The following ATG7 variants were observed in gnomAD, a reference collection of about 807,000 sequenced individuals.
ATG7 encodes autophagy related 7.
In ATG7, 70 loss-of-function variants were observed where a neutral mutation model predicts 82.4. The ratio of observed to expected loss-of-function variants is 0.85; its 90% CI spans 0.70 to 1.04. The LOEUF (loss-of-function observed/expected upper bound fraction) is 1.04. Ranked by LOEUF, ATG7 falls within the 50% of genes least tolerant of loss-of-function variation. The pLI, the probability that ATG7 is intolerant of heterozygous loss-of-function variation, is 0.00. For synonymous variants in ATG7, 287 were observed against 313.0 expected (o/e 0.92, Z 0.88); for missense variants, 792 against 864.3 (o/e 0.92, Z 1.05).
intron 20 of ATG7, among the ~76,000 whole-genome samples, chr3:11,511,545 C>G (rs1321122053): frequency 6.6e-6 from 1 of 152,196 alleles, no homozygotes; most frequent in Non-Finnish European, 1.5e-5. Flanking sequence ...CTAGTGGATC[C>G]TGCACTGGGG....
intron 18 of ATG7, among the ~76,000 whole-genome samples, chr3:11,372,815 TGCGCGCGTGTGCGTGTGTGTGC>T (rs1286965295): frequency 3.8e-5 from 3 of 79,870 alleles, no homozygotes; most frequent in African/African-American, 1.2e-4. Flanking sequence ...TGTGTGTGTG[TGCGCGCGTGTGCGTGTGTGTGC>T]GTGCGTGCGT....
chr3:11,418,036 C>T (rs1362825635), intron 19 of ATG7, among the ~76,000 whole-genome samples: 1 of 151,304 alleles, frequency 6.6e-6, no homozygotes, highest in Non-Finnish European at 1.5e-5. Context: ...TGGTCTCGAT[C>T]TCCTAACCTC....
the ATG7 span, among the ~76,000 whole-genome samples, chr3:11,565,932 C>T: frequency 1.3e-5 from 2 of 152,190 alleles, no homozygotes; most frequent in Non-Finnish European, 2.9e-5. The surrounding 1 kb of genome is among the most constrained non-coding windows in gnomAD (Gnocchi z 4.1). Context: ...CTTCAATCCA[C>T]CATATTATCC....
At chr3:11,522,704 A>G (rs2092472895) in intron 20 of ATG7, among the ~76,000 whole-genome samples, 2 of 152,210 alleles carry the variant, frequency 1.3e-5, no homozygotes, top group Non-Finnish European at 1.5e-5. Context: ...TCAGTGGGTA[A>G]TTTCATATGA....
chr3:11,530,254 C>T (rs144156305), intron 20 of ATG7, among the ~76,000 whole-genome samples: 13 of 152,260 alleles, frequency 8.5e-5, no homozygotes, highest in Non-Finnish European at 1.9e-4. Context: ...AGAGCGAGGC[C>T]CTGCAAGCAG....
At chr3:11,326,187 A>G (rs1290112375) in intron 9 of ATG7, among the ~76,000 whole-genome samples, 1 of 152,170 alleles carries the variant, frequency 6.6e-6, no homozygotes, top group Non-Finnish European at 1.5e-5. Context: ...TCACTACATC[A>G]GGCCATTTTC....
chr3:11,471,487 T>C (rs1057337647), intron 20 of ATG7, among the ~76,000 whole-genome samples: 10 of 151,872 alleles, frequency 6.6e-5, no homozygotes, highest in Non-Finnish European at 1.3e-4. Flanking sequence ...GTAAAAACAT[T>C]TAAAAAATTT....
chr3:11,299,217 A>ATAT (rs1483078696), intron 4 of ATG7, 145 bp from the exon 5 acceptor site: 2 of 716,544 alleles, frequency 2.8e-6, no homozygotes, highest in Non-Finnish European at 2.4e-6. Flanking sequence ...ATCCATACAT[A>ATAT]TATTATCTAT....
In ATG7 at chr3:11,317,584, C is replaced by CTTTTTTTTTTT. The variant is rs370026914; in HGVS notation, c.678+2101_678+2111dup. ...CGAAGCCTATGCCCTTTCTTTCTTT[C>CTTTTTTTTTTT]TTTTTTTTTTTTTTTTTTTTGTTTT... On this transcript the variant is annotated intron_variant, in intron 9 of 20. Transcript: ENST00000693202. Among the ~76,000 whole-genome samples, 229 of 114,442 alleles carry CTTTTTTTTTTT rather than the reference C, an allele frequency of 2.0e-3. 5 individuals are homozygous for CTTTTTTTTTTT. Among genetic ancestry groups the CTTTTTTTTTTT allele is most frequent in the South Asian group, 2.7e-3 (10 of 3,646 alleles). The allele number at this position is 114,442 out of a possible 152,430, so 75.1% of individuals were successfully genotyped here.
chr3:11,348,220 C>A, intron 14 of ATG7, 185 bp downstream of exon 14: 3 of 735,786 alleles, frequency 4.1e-6, no homozygotes, highest in Non-Finnish European at 4.2e-6. Context: ...CCAGGTCAGG[C>A]ATGGTGGCTC....
chr3:11,316,224 A>G (rs1012530836), intron 9 of ATG7, among the ~76,000 whole-genome samples: 2 of 152,100 alleles, frequency 1.3e-5, no homozygotes, highest in Non-Finnish European at 2.9e-5. Flanking sequence ...TTAGTGTATC[A>G]TTCATTGACC....
At chr3:11,418,967 T>TCCCC (rs199667100) in intron 19 of ATG7, among the ~76,000 whole-genome samples, 1 of 150,890 alleles carries the variant, frequency 6.6e-6, no homozygotes, top group African/African-American at 2.4e-5. Flanking sequence ...AAACTGCCCC[T>TCCCC]CCCCCCCGAT....
At chr3:11,510,478 G>A (rs1421546756) in intron 20 of ATG7, 1 of 342,442 alleles carries the variant, frequency 2.9e-6, no homozygotes, top group Non-Finnish European at 5.5e-6. Flanking sequence ...CAGTGATACA[G>A]ATGCTGCCTT....
At chr3:11,368,266 A>C (rs1358973135) in intron 18 of ATG7, among the ~76,000 whole-genome samples, 1 of 150,766 alleles carries the variant, frequency 6.6e-6, no homozygotes, top group Non-Finnish European at 1.5e-5. Flanking sequence ...GAAGAAGAAG[A>C]AGGAAAGAAA....
At chr3:11,449,889 A>G (rs973497578) in intron 20 of ATG7, among the ~76,000 whole-genome samples, 4 of 152,344 alleles carry the variant, frequency 2.6e-5, no homozygotes, top group East Asian at 3.9e-4. Flanking sequence ...TGAGTTGTCT[A>G]TAAGAGTTTA....
intron 14 of ATG7, chr3:11,348,533 G>A (rs1954933914): frequency 6.5e-6 from 1 of 153,608 alleles, no homozygotes; most frequent in Non-Finnish European, 1.4e-5. Flanking sequence ...TCTGGAGTTT[G>A]GTGGGTTCAT....
At chr3:11,470,275 C>A (rs779727650) in intron 20 of ATG7, among the ~76,000 whole-genome samples, 5 of 152,152 alleles carry the variant, frequency 3.3e-5, no homozygotes, top group Non-Finnish European at 7.3e-5. Context: ...CATAGAATGT[C>A]CTTACACACC....
At chr3:11,336,070 C>T (rs1027514154) in intron 11 of ATG7, among the ~76,000 whole-genome samples, 4 of 143,234 alleles carry the variant, frequency 2.8e-5, no homozygotes, top group Admixed American at 1.4e-4. Flanking sequence ...GAGACAGTCT[C>T]GCTCTGTTGC....
intron 20 of ATG7, among the ~76,000 whole-genome samples, chr3:11,472,887 G>C (rs543796739): frequency 4.4e-4 from 67 of 152,276 alleles, no homozygotes; most frequent in African/African-American, 1.5e-3. Context: ...GATAAGATCA[G>C]GGAATCCTTA....
Sources: gnomAD v4.1 joint callset for allele counts (sites outside exome capture counted in the v4.1 genomes callset) on GRCh38, gnomAD v4.1.1 for gene constraint, Gnocchi (gnomAD v3.1) non-coding constraint, MANE v1.5 for transcripts, NCBI Gene and HGNC (gene_info 2026-07-23, HGNC 2026-07-21) for gene names.